DOCK8: variants seen among roughly 807,000 people sequenced by gnomAD.
DOCK8 encodes dedicator of cytokinesis 8, also known as dedicator of cytokinesis protein 8.
DOCK8 carries 141 observed loss-of-function variants against 245.6 expected under a neutral mutation model. The observed-to-expected ratio is 0.57, with a 90% CI of 0.50 to 0.66. The LOEUF is 0.66. DOCK8 is among the 30% of genes least tolerant of loss of function. DOCK8 has a pLI of 0.00. For missense variants in DOCK8, 2,965 were observed against 2,603.4 expected, an observed-to-expected ratio of 1.14 and a Z score of -3.02; for synonymous variants, 1,168 against 970.2, an observed-to-expected ratio of 1.20 and a Z score of -3.79.
At chr9:355,979 T>C (rs2052423872) in intron 14 of DOCK8, among the ~76,000 whole-genome samples, 1 of 152,158 alleles carries the variant, frequency 6.6e-6, no homozygotes, top group African/African-American at 2.4e-5. Flanking sequence ...TCTTAGTAAA[T>C]GACTTTCAGG....
chr9:393,054 CCAGCCTGGGCAA>C (rs1483306326), intron 24 of DOCK8, among the ~76,000 whole-genome samples: 4 of 135,882 alleles, frequency 2.9e-5, no homozygotes, highest in African/African-American at 1.2e-4. Context: ...CCATTGCACT[CCAGCCTGGGCAA>C]CAGATTGAGA....
chr9:255,555 C>G (rs953460174), intron 1 of DOCK8, among the ~76,000 whole-genome samples: 3 of 151,070 alleles, frequency 2.0e-5, no homozygotes, highest in African/African-American at 7.3e-5. Context: ...GTTGTCCCAG[C>G]TACTCGAGAG....
At chr9:452,741 T>A (rs2131892824) in intron 46 of DOCK8, 1 of 152,446 alleles carries the variant, frequency 6.6e-6, no homozygotes, top group South Asian at 2.1e-4. Flanking sequence ...AAAACCAGGC[T>A]TTTCAAAGGT....
chr9:396,960 C>T, intron 25 of DOCK8, 26 bp downstream of exon 25: 1 of 1,608,256 alleles, frequency 6.2e-7, no homozygotes, highest in Non-Finnish European at 8.5e-7. Context: ...TCTTTATTTT[C>T]TAAATTGTTT....
Position 402,459 on chromosome 9 carries a change from G to A in DOCK8, c.3235-2459G>A, listed in dbSNP as rs553179274. ...ATTAGATTTATCCACTGATTCTGTG[G>A]TCTGTGTCTGCCAGTGACATCCACG... On this transcript the variant is annotated intron_variant, in intron 26 of 47. Coordinates refer to ENST00000432829, the MANE Select transcript of DOCK8 (RefSeq NM_203447.4). Among the ~76,000 whole-genome samples the A allele has an allele frequency of 3.3e-5, 5 of 152,234 alleles. No individual in the cohort carries two copies. In the South Asian group the frequency reaches 8.3e-4, roughly 25 times the overall value.
intron 41 of DOCK8, 83 bp from the exon 42 acceptor site, chr9:441,792 A>T (rs1334644929): frequency 6.4e-7 from 1 of 1,568,526 alleles, no homozygotes; most frequent in Non-Finnish European, 8.8e-7. Flanking sequence ...TTGTTAACAC[A>T]ATGAGAGACC....
chr9:295,831 A>T (rs2049238609), intron 4 of DOCK8, among the ~76,000 whole-genome samples: 1 of 152,092 alleles, frequency 6.6e-6, no homozygotes, highest in South Asian at 2.1e-4. Context: ...GTTCCCTCCC[A>T]CCCTCATCAT....
chr9:397,251 A>C (rs2054505320), intron 25 of DOCK8, among the ~76,000 whole-genome samples: 1 of 151,756 alleles, frequency 6.6e-6, no homozygotes, highest in Non-Finnish European at 1.5e-5. Flanking sequence ...ACTGGGAGGC[A>C]GAAGCAAGAG....
chr9:430,245 A>G (rs2056659357), intron 36 of DOCK8, among the ~76,000 whole-genome samples: 1 of 152,042 alleles, frequency 6.6e-6, no homozygotes, highest in Non-Finnish European at 1.5e-5. Flanking sequence ...GTGTTGGCGC[A>G]TGCCTGTAAT....
At chr9:388,199 T>C (rs567244706) in intron 23 of DOCK8, among the ~76,000 whole-genome samples, 3 of 152,186 alleles carry the variant, frequency 2.0e-5, no homozygotes, top group Non-Finnish European at 2.9e-5. Flanking sequence ...AGTCCAGTTA[T>C]AATATGTGCA....
At chr9:461,293 T>C (rs377403246) in intron 46 of DOCK8, among the ~76,000 whole-genome samples, 17 of 152,212 alleles carry the variant, frequency 1.1e-4, no homozygotes, top group African/African-American at 3.4e-4. Flanking sequence ...CCAGCTGTTA[T>C]CTCTTTAAAT....
chr9:383,298 G>A (rs2053804189), intron 22 of DOCK8, among the ~76,000 whole-genome samples: 1 of 152,094 alleles, frequency 6.6e-6, no homozygotes, highest in African/African-American at 2.4e-5. Context: ...ACTTTGGGAG[G>A]CCGAGGTGGG....
intron 3 of DOCK8, 85 bp from the exon 4 acceptor site, chr9:289,425 G>A (rs1263228714): frequency 6.7e-6 from 7 of 1,050,358 alleles, no homozygotes; most frequent in East Asian, 4.9e-5. Context: ...ATTTAAATTC[G>A]TGTCATGTTC....
chr9:220,760 GC>G (rs1563817113), intron 1 of DOCK8: 8 of 358,810 alleles, frequency 2.2e-5, no homozygotes, highest in Non-Finnish European at 3.7e-5. Context: ...ATGCTCTGTC[GC>G]CCAGGCTGGA....
intron 14 of DOCK8, among the ~76,000 whole-genome samples, chr9:359,838 A>T (rs2052636079): frequency 6.6e-6 from 1 of 151,656 alleles, no homozygotes; most frequent in African/African-American, 2.4e-5. Context: ...CAGAGGGAGA[A>T]TTTTAAAACA....
At chr9:379,978 A>G (rs1223136423) in intron 21 of DOCK8, 43 bp downstream of exon 21, 1 of 1,592,714 alleles carries the variant, frequency 6.3e-7, no homozygotes. Flanking sequence ...GCGGGGCAAC[A>G]CCACCTCCAC....
rs766082399 is a variant in DOCK8, at chr9:382,717, A to G, written c.2778+32A>G. On this transcript the variant is annotated intron_variant, in intron 22 of 47. Coordinates refer to ENST00000432829, the MANE Select transcript of DOCK8 (RefSeq NM_203447.4). ...AAGATGTCAAACCGTGGAAGGGGACACAGGCTTTTTTATTTTTTAACTAAA... is the reference window on the plus strand; with the variant it reads ...AAGATGTCAAACCGTGGAAGGGGACGCAGGCTTTTTTATTTTTTAACTAAA... 60 of 1,612,086 alleles carry G rather than the reference A, an allele frequency of 3.7e-5. 2 individuals carry two copies. The Middle Eastern group carries it at 5.0e-4, about 13-fold the overall frequency.
chr9:386,041 A>C (rs1183132001), intron 22 of DOCK8, among the ~76,000 whole-genome samples: 1 of 152,122 alleles, frequency 6.6e-6, no homozygotes, highest in Non-Finnish European at 1.5e-5. Flanking sequence ...CGTCCCCTGA[A>C]GTCACAGACT....
In DOCK8 at chr9:377,039, C is replaced by T. The variant is rs376532348; in HGVS notation, c.2268C>T (p.Pro756=). 4 of 1,614,004 alleles carry T rather than the reference C, an allele frequency of 2.5e-6. No homozygotes were observed. The highest frequency in any genetic ancestry group is 2.2e-5 in the East Asian group (1 of 44,876). ...CHSLESQVTF[P]IRVLDQKISE... is the part of the protein sequence containing the mutation. Reference sequence around the variant, plus strand: ...CCCTGGAGAGCCAGGTGACCTTCCCCATCCGCGTGCTGGATCAGAAAATCA... The same window carrying T: ...CCCTGGAGAGCCAGGTGACCTTCCCTATCCGCGTGCTGGATCAGAAAATCA... Residue 756 remains proline (P), a synonymous_variant, in exon 20 of 48, where the codon CCC becomes CCT. Coordinates refer to ENST00000432829, the MANE Select transcript of DOCK8 (RefSeq NM_203447.4).
Sources: gnomAD v4.1 joint callset for allele counts (sites outside exome capture counted in the v4.1 genomes callset) on GRCh38, gnomAD v4.1.1 for gene constraint, MANE v1.5 for transcripts, NCBI Gene and HGNC (gene_info 2026-07-23, HGNC 2026-07-21) for gene names.